The following TRPC5 variants were observed in gnomAD, a reference collection of about 807,000 sequenced individuals.
The protein encoded by TRPC5 is short transient receptor potential channel 5.
In TRPC5, 9 loss-of-function variants were observed where a neutral mutation model predicts 56.5. The observed-to-expected ratio is 0.16, with a 90% CI of 0.10 to 0.28. TRPC5 has a LOEUF of 0.28. Ranked by LOEUF, TRPC5 falls within the 10% of genes least tolerant of loss-of-function variation. The pLI is 1.00. For missense variants in TRPC5, 469 were observed against 748.9 expected (o/e 0.63, Z 4.36); for synonymous variants, 282 against 278.5 (o/e 1.01, Z -0.13).
At chrX:111,817,546 G>A (rs182183949) in intron 7 of TRPC5, among the ~76,000 whole-genome samples, 44 of 109,626 alleles carry the variant, frequency 4.0e-4, no homozygotes, top group African/African-American at 1.4e-3. Context: ...GGCTGGTCTC[G>A]AACTCCTGAC....
chrX:111,965,507 T>G (rs1360768108), intron 1 of TRPC5, among the ~76,000 whole-genome samples: 1 of 111,577 alleles, frequency 9.0e-6, no homozygotes, highest in Non-Finnish European at 1.9e-5. Flanking sequence ...CCACCCCAAA[T>G]CAACAGAATA....
chrX:111,847,264 A>G lies in TRPC5; in HGVS notation c.1550T>C (p.Ile517Thr). 8.3e-7 allele frequency: 1 copy of G among 1,211,193 alleles called. No individual in the cohort carries two copies. The highest frequency in any genetic ancestry group is 1.1e-6 in the Non-Finnish European group (1 of 895,512). The change falls in exon 6 of 11, where the codon ATC becomes ACC. Residue 517 changes from isoleucine (I) to threonine (T), a missense_variant. By Grantham distance (89) the Ile-to-Thr change is moderately conservative. Around this residue, in one of 3 missense-constraint regions of TRPC5, gnomAD observed 157 missense variants for 360.0 expected, o/e 0.44. Transcript: ENST00000262839. ...GCAGTAGATAAAGAGGAATTTGAGGATATCAAGCAGCATGCGTCCCAAAGA... is the reference window on the plus strand; with the variant it reads ...GCAGTAGATAAAGAGGAATTTGAGGGTATCAAGCAGCATGCGTCCCAAAGA... Reference protein sequence around the residue: ...QISLGRMLLDILKFLFIYCLV... With the variant: ...QISLGRMLLDTLKFLFIYCLV...
rs192856263 is a variant in TRPC5, at chrX:112,018,987, T to G, written c.-22+62892A>C. ...TTTCTTCCAAGTCAGCTGGATCCTGTCTCTCTGACTTCCTCTCTCACCAGC... is the reference window on the plus strand; with the variant it reads ...TTTCTTCCAAGTCAGCTGGATCCTGGCTCTCTGACTTCCTCTCTCACCAGC... On this transcript the variant is annotated intron_variant, in intron 1 of 10. Transcript: ENST00000262839. 1.1e-3 allele frequency among the ~76,000 whole-genome samples: 126 copies of G among 112,583 alleles called. 1 individual carries two copies. The highest frequency in any genetic ancestry group is 3.9e-3 in the African/African-American group (120 of 31,065).
intron 2 of TRPC5, among the ~76,000 whole-genome samples, chrX:111,926,856 G>A (rs1189992865): frequency 8.9e-6 from 1 of 112,217 alleles, no homozygotes; most frequent in Non-Finnish European, 1.9e-5. Flanking sequence ...GACTCAAGGT[G>A]GTCAGGTGGG....
At chrX:111,969,113 C>G (rs1249764223) in intron 1 of TRPC5, among the ~76,000 whole-genome samples, 1 of 111,199 alleles carries the variant, frequency 9.0e-6, no homozygotes, top group Non-Finnish European at 1.9e-5. Context: ...CCTTATCAGT[C>G]AGCCTGATCA....
At chrX:111,777,082 G>T in intron 10 of TRPC5, 80 bp from the exon 11 acceptor site, 1 of 837,685 alleles carries the variant, frequency 1.2e-6, no homozygotes, top group Non-Finnish European at 1.6e-6. Flanking sequence ...CCTTTGGTAT[G>T]TTCCAGGTTT....
chrX:111,938,903 T>A (rs150022471), intron 2 of TRPC5, among the ~76,000 whole-genome samples: 5,695 of 112,129 alleles, frequency 0.051, 127 homozygotes, highest in Non-Finnish European at 0.074. Flanking sequence ...CCTTTATTTT[T>A]TTCTCTTGTC....
intron 7 of TRPC5, among the ~76,000 whole-genome samples, chrX:111,819,122 A>G (rs1162214620): frequency 9.0e-6 from 1 of 111,510 alleles, no homozygotes; most frequent in Non-Finnish European, 1.9e-5. Flanking sequence ...TGGGAAGTGC[A>G]CCGGCATCAG....
At chrX:111,899,646 T>C (rs1925242269) in intron 3 of TRPC5, among the ~76,000 whole-genome samples, 2 of 111,093 alleles carry the variant, frequency 1.8e-5, no homozygotes, top group Non-Finnish European at 3.8e-5. Flanking sequence ...CTTGTGCCTT[T>C]GGGCTGTATA....
intron 7 of TRPC5, among the ~76,000 whole-genome samples, chrX:111,832,607 C>T (rs776471209): frequency 8.9e-6 from 1 of 111,795 alleles, no homozygotes; most frequent in Non-Finnish European, 1.9e-5. Context: ...ATCATGATCC[C>T]ACTGGATCCA....
chrX:112,053,600 G>A (rs777556987), intron 1 of TRPC5, among the ~76,000 whole-genome samples: 10 of 111,944 alleles, frequency 8.9e-5, no homozygotes, highest in South Asian at 7.5e-4. Context: ...GGCTGTACAG[G>A]TGAGTGGTGA....
intron 3 of TRPC5, among the ~76,000 whole-genome samples, chrX:111,896,762 C>T (rs1308014732): frequency 8.9e-6 from 1 of 111,766 alleles, no homozygotes; most frequent in African/African-American, 3.3e-5. Context: ...AAATTTGTGC[C>T]CTCTAGCACA....
intron 3 of TRPC5, among the ~76,000 whole-genome samples, chrX:111,869,316 G>T: frequency 9.0e-6 from 1 of 111,618 alleles, no homozygotes. Flanking sequence ...CTAATCCATG[G>T]CTAGTTTTAT....
intron 3 of TRPC5, chrX:111,903,406 T>C (rs1021502729): frequency 1.8e-5 from 2 of 112,308 alleles, no homozygotes; most frequent in Non-Finnish European, 3.8e-5. Flanking sequence ...TGGAAAGCCA[T>C]GATATGGAGT....
intron 3 of TRPC5, among the ~76,000 whole-genome samples, chrX:111,883,781 C>T (rs1390618727): frequency 8.9e-6 from 1 of 112,872 alleles, no homozygotes; most frequent in African/African-American, 3.2e-5. Flanking sequence ...AGGTTAAGCC[C>T]TAGCCAGGGT....
intron 1 of TRPC5, among the ~76,000 whole-genome samples, chrX:111,971,423 C>A (rs1001520326): frequency 9.0e-6 from 1 of 111,091 alleles, no homozygotes; most frequent in Non-Finnish European, 1.9e-5. Context: ...GACACTGGGG[C>A]GGGGGCAATC....
Position 111,773,623 on chromosome X carries a change from C to T in TRPC5, c.*2690G>A, listed in dbSNP as rs915947722. Among the ~76,000 whole-genome samples, 1 of 111,371 alleles carries T rather than the reference C, an allele frequency of 9.0e-6. No homozygotes were observed. Among genetic ancestry groups the T allele is most frequent in the African/African-American group, 3.3e-5 (1 of 30,646 alleles). On this transcript the variant is annotated 3_prime_UTR_variant, in exon 11 of 11. Coordinates refer to ENST00000262839, the MANE Select transcript of TRPC5 (RefSeq NM_012471.3). ...ATATATGCTTACTAATAAATGTCTT[C>T]TATAATCTAGAAGACTTGAGTTTAT... is the stretch of plus-strand genomic sequence containing the variant.
At chrX:111,971,372 G>A (rs112914160) in intron 1 of TRPC5, among the ~76,000 whole-genome samples, 8,645 of 111,118 alleles carry the variant, frequency 0.078, 333 homozygotes, top group Non-Finnish European at 0.11. Context: ...TTTTATAGAT[G>A]AAATAAACTA....
chrX:111,866,420 C>G (rs1923552641), intron 3 of TRPC5, among the ~76,000 whole-genome samples: 1 of 113,355 alleles, frequency 8.8e-6, no homozygotes, highest in African/African-American at 3.2e-5. Context: ...TTTAATCTGT[C>G]TAAATCTTTT....
Sources: gnomAD v4.1 joint callset for allele counts (sites outside exome capture counted in the v4.1 genomes callset) on GRCh38, gnomAD v4.1.1 for gene constraint, gnomAD v4.1.1 regional missense constraint, MANE v1.5 for transcripts, NCBI Gene and HGNC (gene_info 2026-07-23, HGNC 2026-07-21) for gene names.